ATXN7: variants seen among roughly 807,000 people sequenced by gnomAD.
ATXN7 encodes the protein ataxin-7.
ATXN7 carries 12 observed loss-of-function variants against 70.5 expected under a neutral mutation model. The observed-to-expected ratio is 0.17, with a 90% CI of 0.11 to 0.28. The LOEUF is 0.28. ATXN7 is among the 10% of genes least tolerant of loss of function. ATXN7 has a pLI of 1.00. For missense variants in ATXN7, 1,256 were observed against 1,131.7 expected (o/e 1.11, Z -1.58); for synonymous variants, 498 against 448.7 (o/e 1.11, Z -1.39).
intron 4 of ATXN7, among the ~76,000 whole-genome samples, chr3:63,917,909 G>A (rs138679054): frequency 6.6e-6 from 1 of 152,220 alleles, no homozygotes; most frequent in Non-Finnish European, 1.5e-5. Flanking sequence ...GGGTGTTGCT[G>A]TATGGCCCCA....
intron 4 of ATXN7, among the ~76,000 whole-genome samples, chr3:63,949,152 C>T (rs777322517): frequency 1.3e-5 from 2 of 152,048 alleles, no homozygotes; most frequent in Non-Finnish European, 2.9e-5. Context: ...CTGTCTCTCA[C>T]ACACACATTA....
intron 1 of ATXN7, among the ~76,000 whole-genome samples, chr3:63,873,535 C>A (rs951687809): frequency 6.6e-6 from 1 of 152,134 alleles, no homozygotes; most frequent in Non-Finnish European, 1.5e-5. Flanking sequence ...AGTTGTCATT[C>A]CCCAGAAGTG....
intron 2 of ATXN7, among the ~76,000 whole-genome samples, chr3:63,908,477 T>C (rs1373209186): frequency 1.3e-5 from 2 of 152,242 alleles, no homozygotes; most frequent in East Asian, 1.9e-4. Flanking sequence ...TTAGTGGATC[T>C]GAGTTTCTTG....
At chr3:63,902,198 C>T (rs1703668863) in intron 2 of ATXN7, 1 of 152,060 alleles carries the variant, frequency 6.6e-6, no homozygotes, top group Admixed American at 6.6e-5. Flanking sequence ...TACTTGAGTC[C>T]AGGAGTTTGA....
At chr3:63,964,453 T>C (rs956912749) in intron 5 of ATXN7, among the ~76,000 whole-genome samples, 4 of 152,218 alleles carry the variant, frequency 2.6e-5, no homozygotes, top group Non-Finnish European at 4.4e-5. Flanking sequence ...ACTGGTCACC[T>C]TATAAAGGTG....
intron 5 of ATXN7, among the ~76,000 whole-genome samples, chr3:63,966,510 T>C (rs2075225046): frequency 6.6e-6 from 1 of 152,232 alleles, no homozygotes; most frequent in Non-Finnish European, 1.5e-5. Context: ...CCTTGCGTTC[T>C]TCTAGTGTCT....
In ATXN7 at chr3:63,892,324, C is replaced by G. The variant is rs373435678; in HGVS notation, c.-110-6075C>G. Among the ~76,000 whole-genome samples the G allele has an allele frequency of 1.6e-4, 25 of 151,950 alleles. No homozygotes were observed. The South Asian group carries it at 1.7e-3, about 10-fold the overall frequency. ...GGTAGACTATTGGGGAACAAACTCT[C>G]TCTGTTCCCCAGGCTTTCCTCCTCC... On this transcript the variant is annotated intron_variant, in intron 1 of 12. Transcript: ENST00000674280.
intron 5 of ATXN7, among the ~76,000 whole-genome samples, chr3:63,975,335 C>T (rs2075374179): frequency 2.0e-5 from 3 of 152,096 alleles, no homozygotes; most frequent in African/African-American, 7.2e-5. Flanking sequence ...CCAAATTTTT[C>T]TTCTTTAGAA....
intron 4 of ATXN7, among the ~76,000 whole-genome samples, chr3:63,945,282 G>A (rs1244810730): frequency 6.6e-6 from 1 of 152,230 alleles, no homozygotes; most frequent in African/African-American, 2.4e-5. Flanking sequence ...CTAGTAAGAG[G>A]AAGAGTAGAC....
chr3:63,881,114 T>A (rs1407047878), intron 1 of ATXN7, among the ~76,000 whole-genome samples: 1 of 152,224 alleles, frequency 6.6e-6, no homozygotes, highest in African/African-American at 2.4e-5. Flanking sequence ...TTACTTGCAT[T>A]ATCTTTTCAG....
intron 4 of ATXN7, among the ~76,000 whole-genome samples, chr3:63,948,043 A>G (rs975143758): frequency 6.6e-6 from 1 of 152,104 alleles, no homozygotes; most frequent in African/African-American, 2.4e-5. Context: ...CAGGGGAGTG[A>G]TGTGATCTGG....
chr3:63,948,291 T>C (rs1438402571), intron 4 of ATXN7, among the ~76,000 whole-genome samples: 2 of 152,100 alleles, frequency 1.3e-5, no homozygotes, highest in African/African-American at 4.8e-5. Flanking sequence ...GTTTGAGCTG[T>C]TGGGGGATGA....
intron 4 of ATXN7, among the ~76,000 whole-genome samples, chr3:63,934,541 TAG>T (rs2074622802): frequency 6.6e-6 from 1 of 152,156 alleles, no homozygotes; most frequent in Admixed American, 6.5e-5. Flanking sequence ...ACTGAAGGAA[TAG>T]AGAGTGAATT....
chr3:63,915,147 C>T (rs1409923414), intron 4 of ATXN7, among the ~76,000 whole-genome samples: 3 of 152,134 alleles, frequency 2.0e-5, no homozygotes, highest in South Asian at 2.1e-4. Context: ...ACGTTGGCCA[C>T]GATGGTCTCA....
intron 4 of ATXN7, among the ~76,000 whole-genome samples, chr3:63,930,356 C>G (rs1704899350): frequency 6.6e-6 from 1 of 152,140 alleles, no homozygotes; most frequent in Non-Finnish European, 1.5e-5. Context: ...TACTCAAATT[C>G]TTATTTGCCT....
chr3:63,970,416 A>T (rs1355265449), intron 5 of ATXN7, among the ~76,000 whole-genome samples: 1 of 152,194 alleles, frequency 6.6e-6, no homozygotes, highest in Non-Finnish European at 1.5e-5. Context: ...GACAAAAAAA[A>T]AGGGTGTTAT....
intron 12 of ATXN7, 63 bp downstream of exon 12, chr3:63,996,546 A>G (rs1422386529): frequency 5.9e-6 from 9 of 1,531,214 alleles, no homozygotes; most frequent in Non-Finnish European, 7.1e-6. Context: ...ATCTTTTGTC[A>G]GCTCAGAAAT....
At chr3:63,961,918 G>A (rs189171976) in intron 5 of ATXN7, among the ~76,000 whole-genome samples, 234 of 152,252 alleles carry the variant, frequency 1.5e-3, no homozygotes, top group African/African-American at 5.3e-3. Flanking sequence ...TTTCCTGACA[G>A]TCATTTCACA....
At chr3:63,919,803 TG>T (rs1017932804) in intron 4 of ATXN7, among the ~76,000 whole-genome samples, 1 of 133,892 alleles carries the variant, frequency 7.5e-6, no homozygotes, top group African/African-American at 2.8e-5. Context: ...GGCATACACC[TG>T]GTTGGGAGCA....
Sources: allele counts gnomAD v4.1 joint callset (sites outside exome capture counted in the v4.1 genomes callset), GRCh38; gene constraint gnomAD v4.1.1; transcripts MANE v1.5; gene names NCBI Gene and HGNC (gene_info 2026-07-23, HGNC 2026-07-21).